The following KIF11 variants were observed in gnomAD, a reference collection of about 807,000 sequenced individuals.
KIF11 encodes kinesin-like protein KIF11.
A neutral mutation model predicts 121.0 loss-of-function variants in KIF11; 9 were observed. The observed-to-expected ratio is 0.07, with a 90% confidence interval of 0.04 to 0.13. KIF11 has a LOEUF of 0.13. Ranked by LOEUF, KIF11 falls within the 10% of genes least tolerant of loss-of-function variation. The pLI, the probability that KIF11 is intolerant of heterozygous loss-of-function variation, is 1.00. For synonymous variants in KIF11, 408 were observed against 421.0 expected, an observed-to-expected ratio of 0.97 and a Z score of 0.38; for missense variants, 846 against 1,217.5, an observed-to-expected ratio of 0.69 and a Z score of 4.54.
At chr10:92,651,527 T>C (rs1159186117) in intron 21 of KIF11, among the ~76,000 whole-genome samples, 4 of 114,478 alleles carry the variant, frequency 3.5e-5, no homozygotes, top group South Asian at 2.9e-4. Context: ...TTTTTTTTTT[T>C]TTTTTTTTTT....
chr10:92,595,516 C>G (rs58071219), intron 1 of KIF11, among the ~76,000 whole-genome samples: 22,683 of 152,014 alleles, frequency 0.15, 3,601 homozygotes, highest in African/African-American at 0.4. Flanking sequence ...GGTTCTCTTT[C>G]TTATGTCCCT....
rs1167946369 is a variant in KIF11, at chr10:92,599,082, C to T, written c.77+5630C>T. On this transcript the variant is annotated intron_variant, in intron 1 of 21. Coordinates refer to ENST00000260731, the MANE Select transcript of KIF11 (RefSeq NM_004523.4). ...CGTGAGCCACTGCGCCTGGCCTCAG[C>T]AGTGTTTTATAGTTTTCATTTTATA... 3.3e-5 allele frequency among the ~76,000 whole-genome samples: 5 copies of T among 151,796 alleles called. No homozygotes were observed. In the Admixed American group the frequency reaches 3.3e-4, roughly 10 times the overall value.
chr10:92,625,507 C>A (rs1844665942), intron 10 of KIF11, among the ~76,000 whole-genome samples: 1 of 151,962 alleles, frequency 6.6e-6, no homozygotes, highest in South Asian at 2.1e-4. Flanking sequence ...TGCCACCATG[C>A]CCGGCTAATT....
chr10:92,603,648 G>A (rs1174031030), intron 1 of KIF11, among the ~76,000 whole-genome samples: 1 of 151,992 alleles, frequency 6.6e-6, no homozygotes, highest in Non-Finnish European at 1.5e-5. Context: ...CACTGTGCCT[G>A]GCCTAATTTT....
chr10:92,625,338 A>G (rs1589599201), intron 10 of KIF11, among the ~76,000 whole-genome samples: 1 of 147,818 alleles, frequency 6.8e-6, no homozygotes, highest in South Asian at 2.1e-4. Context: ...AAATGTCCAC[A>G]TCATTTGCCC....
chr10:92,606,134 T>C, intron 1 of KIF11, 131 bp from the exon 2 acceptor site: 1 of 687,338 alleles, frequency 1.5e-6, no homozygotes, highest in Non-Finnish European at 2.3e-6. Flanking sequence ...CACTTAGTCC[T>C]GATTTAATCT....
chr10:92,640,959 G>A (rs566425642), intron 17 of KIF11, among the ~76,000 whole-genome samples: 1 of 151,248 alleles, frequency 6.6e-6, no homozygotes, highest in African/African-American at 2.4e-5. Context: ...CGTTGGCCAG[G>A]CTGATCTTGA....
At chr10:92,620,213 T>C (rs1844602671) in intron 9 of KIF11, among the ~76,000 whole-genome samples, 1 of 151,898 alleles carries the variant, frequency 6.6e-6, no homozygotes, top group South Asian at 2.1e-4. Flanking sequence ...CCTGAGTAGC[T>C]GGGACTACAG....
chr10:92,624,405 T>C (rs566706125), intron 10 of KIF11, among the ~76,000 whole-genome samples: 76 of 151,762 alleles, frequency 5.0e-4, no homozygotes, highest in Non-Finnish European at 2.8e-4. Flanking sequence ...AAATTTTTTT[T>C]TTTTTAAGTA....
At chr10:92,599,659 T>TTTTC (rs759290579) in intron 1 of KIF11, among the ~76,000 whole-genome samples, 68 of 140,638 alleles carry the variant, frequency 4.8e-4, no homozygotes, top group African/African-American at 1.8e-3. Context: ...TTTTCTTTTC[T>TTTTC]TTTTTTTTTT....
At chr10:92,653,039 G>A (rs1316363784) in intron 21 of KIF11, among the ~76,000 whole-genome samples, 1 of 152,106 alleles carries the variant, frequency 6.6e-6, no homozygotes, top group Non-Finnish European at 1.5e-5. Flanking sequence ...ATATGAAATA[G>A]GTTTTACAAA....
chr10:92,636,296 C>G (rs771489497), intron 14 of KIF11, among the ~76,000 whole-genome samples: 25 of 152,264 alleles, frequency 1.6e-4, no homozygotes, highest in Non-Finnish European at 2.8e-4. Context: ...TCATTTTCCT[C>G]TTTTGAATTC....
chr10:92,607,333 G>A (rs57847628), intron 4 of KIF11, 96 bp downstream of exon 4: 28 of 668,446 alleles, frequency 4.2e-5, no homozygotes, highest in Non-Finnish European at 6.8e-5. Flanking sequence ...ATAGAGATCA[G>A]AGTACCTATG....
At chr10:92,596,945 A>G in intron 1 of KIF11, 2 of 322,838 alleles carry the variant, frequency 6.2e-6, no homozygotes, top group South Asian at 6.6e-5. Context: ...TGCTGAAACC[A>G]GGCCTACCCA....
At position 92,602,825 on chromosome 10, in the gene KIF11, CGTGTGTGTGTGT is replaced by C. The variant is rs3980475; in HGVS notation, c.78-3420_78-3409del. ...TTACTTAAACACACACACACACACA[CGTGTGTGTGTGT>C]GTGTGTGTGTGTGTGTGTGGTTTTT... On this transcript the variant is annotated intron_variant, in intron 1 of 21. Transcript: ENST00000260731. Among the ~76,000 whole-genome samples the C allele has an allele frequency of 1.2e-4, 15 of 122,440 alleles. No individual in the cohort carries two copies. The South Asian group carries it at 3.3e-3, about 27-fold the overall frequency. 80.3% of individuals were successfully genotyped at this position (122,440 alleles called of 152,430 possible). A position where few individuals can be genotyped will look rare whatever the true frequency, so the allele number is the denominator to read the frequency against.
In KIF11 at chr10:92,637,221, T is replaced by C; in HGVS notation, c.1913T>C (p.Met638Thr). 1 of 1,586,718 alleles carries C rather than the reference T, an allele frequency of 6.3e-7. No individual in the cohort carries two copies. Among genetic ancestry groups the C allele is most frequent in the Non-Finnish European group, 8.5e-7 (1 of 1,173,622 alleles). ...LKTDLLSSLEMILSPTVVSIL... is the reference protein window; with the variant it reads ...LKTDLLSSLETILSPTVVSIL... ...ACTGATCTTCTAAGTTCACTGGAAATGATTTTATCCCCAACTGTGGTGTCT... is the reference window on the plus strand; with the variant it reads ...ACTGATCTTCTAAGTTCACTGGAAACGATTTTATCCCCAACTGTGGTGTCT... The change falls in exon 15 of 22, where the codon ATG (methionine) becomes ACG (threonine). Residue 638 changes from methionine to threonine, a missense_variant. By Grantham distance (81) the Met-to-Thr change is moderately conservative (BLOSUM62 -1). This residue lies in a region of KIF11 where 492 missense variants were observed against 603.4 expected (regional missense o/e 0.82). Transcript: ENST00000260731.
intron 6 of KIF11, among the ~76,000 whole-genome samples, 170 bp from the exon 7 acceptor site, chr10:92,612,870 T>A (rs1355013067): frequency 6.6e-6 from 1 of 152,216 alleles, no homozygotes; most frequent in Non-Finnish European, 1.5e-5. Flanking sequence ...AAAATCCTAA[T>A]CACTGTTCTA....
At chr10:92,619,324 C>G (rs1017750740) in intron 9 of KIF11, among the ~76,000 whole-genome samples, 88 of 152,064 alleles carry the variant, frequency 5.8e-4, no homozygotes, top group African/African-American at 2.1e-3. Context: ...GCAGATCTTT[C>G]TTTTTTAGTA....
intron 17 of KIF11, among the ~76,000 whole-genome samples, chr10:92,641,921 T>C (rs1230756345): frequency 6.6e-6 from 1 of 152,208 alleles, no homozygotes; most frequent in Non-Finnish European, 1.5e-5. Flanking sequence ...CTGTCATCTC[T>C]AACCTACTGT....
Sources: allele counts gnomAD v4.1 joint callset (sites outside exome capture counted in the v4.1 genomes callset), GRCh38; gene constraint gnomAD v4.1.1; regional missense constraint gnomAD v4.1.1; transcripts MANE v1.5; gene names NCBI Gene and HGNC (gene_info 2026-07-23, HGNC 2026-07-21).